Variants in TRAPPC9 observed in about 807,000 individuals in gnomAD.
The protein encoded by TRAPPC9 is trafficking protein particle complex subunit 9.
TRAPPC9 carries 83 observed loss-of-function variants against 124.0 expected under a neutral mutation model. The ratio of observed to expected loss-of-function variants is 0.67; its 90% CI spans 0.56 to 0.80. The LOEUF (loss-of-function observed/expected upper bound fraction) is 0.80. Among genes scored for constraint, TRAPPC9 ranks in the 30% least tolerant of loss-of-function variants. The pLI is 0.00. For synonymous variants in TRAPPC9, 638 were observed against 617.5 expected, an observed-to-expected ratio of 1.03 and a Z score of -0.49; for missense variants, 1,302 against 1,508.3, an observed-to-expected ratio of 0.86 and a Z score of 2.27.
chr8:140,286,855 C>T (rs924028175), intron 13 of TRAPPC9, among the ~76,000 whole-genome samples: 2 of 152,094 alleles, frequency 1.3e-5, no homozygotes, highest in Admixed American at 1.3e-4. Context: ...GTGGGATCAC[C>T]TAAGGTAGCC....
At position 140,114,051 on chromosome 8, in the gene TRAPPC9, G is replaced by A. The variant is rs76320664; in HGVS notation, c.2557-89972C>T. 7.6e-3 allele frequency among the ~76,000 whole-genome samples: 1,150 copies of A among 152,302 alleles called. 15 individuals are homozygous for A. Among genetic ancestry groups the A allele is most frequent in the African/African-American group, 0.026 (1,092 of 41,574 alleles). On this transcript the variant is annotated intron_variant, in intron 17 of 22. Transcript: ENST00000438773. The stretch of plus-strand genomic sequence containing the variant: ...CTCCCTAAGCCCTTCCTTTGAGTGA[G>A]GTGGCCTCTTGCATACTTCAACAGC...
In TRAPPC9 at chr8:140,136,967, C is replaced by A. The variant is rs373195606; in HGVS notation, c.2556+84492G>T. On this transcript the variant is annotated intron_variant, in intron 17 of 22. Coordinates refer to ENST00000438773, the MANE Select transcript of TRAPPC9 (RefSeq NM_001160372.4). ...CCCACCTAATTAAGAGAATTTAAAC[C>A]CAAGGTTGAAGGAGGAGGGACAAAA... 1.5e-4 allele frequency among the ~76,000 whole-genome samples: 23 copies of A among 152,072 alleles called. No individual in the cohort carries two copies. In the East Asian group the frequency reaches 2.5e-3, roughly 17 times the overall value.
intron 9 of TRAPPC9, among the ~76,000 whole-genome samples, chr8:140,336,769 C>G (rs1484150427): frequency 1.3e-5 from 2 of 152,188 alleles, no homozygotes; most frequent in Non-Finnish European, 2.9e-5. Flanking sequence ...AGATAACCTC[C>G]TTGGTACAGA....
intron 21 of TRAPPC9, among the ~76,000 whole-genome samples, chr8:139,784,624 T>A (rs1435063250): frequency 7.1e-6 from 1 of 141,502 alleles, no homozygotes; most frequent in African/African-American, 2.5e-5. Flanking sequence ...TATATATATA[T>A]ATATATATAT....
At chr8:140,162,950 C>A (rs73362927) in intron 17 of TRAPPC9, among the ~76,000 whole-genome samples, 4,385 of 152,128 alleles carry the variant, frequency 0.029, 57 homozygotes, top group African/African-American at 0.038. Flanking sequence ...TATAATTGCA[C>A]CACCATACTC....
At chr8:140,197,635 A>G (rs1373078387) in intron 17 of TRAPPC9, among the ~76,000 whole-genome samples, 2 of 152,176 alleles carry the variant, frequency 1.3e-5, no homozygotes, top group Non-Finnish European at 2.9e-5. Context: ...CTTACCAGAT[A>G]CGTATTGACA....
chr8:140,172,309 G>A (rs2061981445), intron 17 of TRAPPC9, among the ~76,000 whole-genome samples: 1 of 152,048 alleles, frequency 6.6e-6, no homozygotes, highest in Non-Finnish European at 1.5e-5. Flanking sequence ...GGACCATGAT[G>A]TCAGTTTCAA....
At chr8:140,180,126 C>CA (rs1461953979) in intron 17 of TRAPPC9, among the ~76,000 whole-genome samples, 1 of 150,674 alleles carries the variant, frequency 6.6e-6, no homozygotes, top group Non-Finnish European at 1.5e-5. Context: ...TCTCCCGTCT[C>CA]TTTTTTGTTC....
Position 139,758,550 on chromosome 8 carries a change from C to T in TRAPPC9, c.3056-26348G>A, listed in dbSNP as rs529350846. Among the ~76,000 whole-genome samples the T allele has an allele frequency of 5.9e-5, 9 of 152,134 alleles. No homozygotes were observed. The East Asian group carries it at 1.5e-3, about 26-fold the overall frequency. ...CGGGGGCAGGGGATGGGGATGCAGACACAGGGAGGCAAACGGGGTACGAGG... is the reference window on the plus strand; with the variant it reads ...CGGGGGCAGGGGATGGGGATGCAGATACAGGGAGGCAAACGGGGTACGAGG... On this transcript the variant is annotated intron_variant, in intron 21 of 22. Coordinates refer to ENST00000438773, the MANE Select transcript of TRAPPC9 (RefSeq NM_001160372.4).
At chr8:140,168,449 C>T (rs1198173534) in intron 17 of TRAPPC9, among the ~76,000 whole-genome samples, 1 of 152,136 alleles carries the variant, frequency 6.6e-6, no homozygotes, top group East Asian at 1.9e-4. Context: ...CACCAATCTG[C>T]ATTCTGTCTC....
At chr8:140,254,847 C>T (rs1299561237) in intron 15 of TRAPPC9, among the ~76,000 whole-genome samples, 2 of 152,376 alleles carry the variant, frequency 1.3e-5, no homozygotes, top group East Asian at 3.9e-4. Context: ...GTCACATTCA[C>T]TTCCTGCATG....
chr8:139,728,498 G>C lies in TRAPPC9; in HGVS notation c.*2563C>G, dbSNP rs1817662095. ...CTGGAGGATACTGCGCTGTCACTGAGACACCTGCCCCAGGTCCTCCATCTC... is the reference window on the plus strand; with the variant it reads ...CTGGAGGATACTGCGCTGTCACTGACACACCTGCCCCAGGTCCTCCATCTC... On this transcript the variant is annotated 3_prime_UTR_variant, in exon 23 of 23. Coordinates refer to ENST00000438773, the MANE Select transcript of TRAPPC9 (RefSeq NM_001160372.4). 1.3e-5 allele frequency among the ~76,000 whole-genome samples: 2 copies of C among 152,192 alleles called. No individual in the cohort carries two copies. The highest frequency in any genetic ancestry group is 4.1e-4 in the South Asian group (2 of 4,834).
intron 17 of TRAPPC9, among the ~76,000 whole-genome samples, chr8:140,112,846 T>C (rs922076224): frequency 2.7e-5 from 4 of 150,302 alleles, no homozygotes; most frequent in Non-Finnish European, 4.4e-5. Flanking sequence ...ATTTCCTTTT[T>C]TTTTTTTTTT....
intron 17 of TRAPPC9, among the ~76,000 whole-genome samples, chr8:140,169,553 G>A (rs1317532781): frequency 3.3e-5 from 5 of 152,226 alleles, no homozygotes; most frequent in Non-Finnish European, 5.9e-5. Context: ...ACAGAATGCG[G>A]ATGTGGAAGG....
At chr8:140,296,654 C>G (rs1329695130) in intron 11 of TRAPPC9, among the ~76,000 whole-genome samples, 1 of 152,234 alleles carries the variant, frequency 6.6e-6, no homozygotes, top group Non-Finnish European at 1.5e-5. Context: ...GCCCTGGCAT[C>G]TGGGTTCACG....
chr8:140,206,917 C>A (rs982040967), intron 17 of TRAPPC9, among the ~76,000 whole-genome samples: 1 of 152,134 alleles, frequency 6.6e-6, no homozygotes, highest in Non-Finnish European at 1.5e-5. Context: ...CTGTCGAGCA[C>A]CCGTCATGTG....
chr8:140,144,139 C>T (rs1311149434), intron 17 of TRAPPC9, among the ~76,000 whole-genome samples: 1 of 152,208 alleles, frequency 6.6e-6, no homozygotes, highest in African/African-American at 2.4e-5. Context: ...AACTTGGCCA[C>T]ATCCTTCAGT....
In TRAPPC9 at chr8:139,776,379, C is replaced by T. The variant is rs955025597; in HGVS notation, c.3056-44177G>A. On this transcript the variant is annotated intron_variant, in intron 21 of 22. Transcript: ENST00000438773. The surrounding 1 kb of genome is among the most constrained non-coding windows in gnomAD (Gnocchi z 4.1). The stretch of plus-strand genomic sequence containing the variant: ...ACATAGTATTGATCGGTTTGTCCTC[C>T]GTGACCCAAAGAGAGGTCACAACGA... Among the ~76,000 whole-genome samples the T allele has an allele frequency of 9.9e-5, 15 of 152,224 alleles. No individual in the cohort carries two copies. Among genetic ancestry groups the T allele is most frequent in the Admixed American group, 8.5e-4 (13 of 15,278 alleles).
Position 140,284,171 on chromosome 8 carries a change from G to C in TRAPPC9, c.1982-150C>G, listed in dbSNP as rs923344185. On this transcript the variant is annotated intron_variant, in intron 13 of 22. Transcript: ENST00000438773. ...CCCGCCGGCGCTCACCCACACTCCC[G>C]CCCTCAACCCCACGACCCTCACTGT... 4.4e-6 allele frequency: 4 copies of C among 915,180 alleles called. No homozygotes were observed. In the Admixed American group the frequency reaches 7.3e-5, roughly 17 times the overall value. The allele number at this position is 915,180 out of a possible 1,614,324, so 56.7% of individuals were successfully genotyped here.
Sources: gnomAD v4.1 joint callset for allele counts (sites outside exome capture counted in the v4.1 genomes callset) on GRCh38, gnomAD v4.1.1 for gene constraint, Gnocchi (gnomAD v3.1) non-coding constraint, MANE v1.5 for transcripts, NCBI Gene and HGNC (gene_info 2026-07-23, HGNC 2026-07-21) for gene names.